SLC24A2: variants seen among roughly 807,000 people sequenced by gnomAD.
The protein encoded by SLC24A2 is sodium/potassium/calcium exchanger 2.
SLC24A2 carries 36 observed loss-of-function variants against 62.0 expected under a neutral mutation model. The observed-to-expected ratio is 0.58, with a 90% CI of 0.44 to 0.77. The LOEUF (loss-of-function observed/expected upper bound fraction) is 0.77. Ranked by LOEUF, SLC24A2 falls within the 30% of genes least tolerant of loss-of-function variation. The probability of loss-of-function intolerance (pLI) is 0.00; values close to 1 mark genes in which losing one functional copy is unlikely to be tolerated. For synonymous variants in SLC24A2, 358 were observed against 294.0 expected (o/e 1.22, Z -2.23); for missense variants, 846 against 817.9 (o/e 1.03, Z -0.42).
chr9:19,833,830 A>G, the SLC24A2 span, among the ~76,000 whole-genome samples: 1 of 152,216 alleles, frequency 6.6e-6, no homozygotes, highest in South Asian at 2.1e-4. Context: ...ACCCCCAACT[A>G]GGGGCGGACT....
At chr9:20,079,978 G>A in the SLC24A2 span, among the ~76,000 whole-genome samples, 18 of 152,140 alleles carry the variant, frequency 1.2e-4, no homozygotes, top group African/African-American at 4.1e-4. Context: ...AATAAAAGAG[G>A]ATATAAACAA....
intron 2 of SLC24A2, among the ~76,000 whole-genome samples, chr9:19,744,658 C>G (rs2118781938): frequency 6.6e-6 from 1 of 152,268 alleles, no homozygotes; most frequent in East Asian, 1.9e-4. Flanking sequence ...CATATGAAAT[C>G]TGGTAAGTTT....
At chr9:19,778,833 C>A (rs112051720) in intron 2 of SLC24A2, among the ~76,000 whole-genome samples, 3 of 151,956 alleles carry the variant, frequency 2.0e-5, no homozygotes, top group African/African-American at 7.2e-5. Context: ...AAAACTAGAC[C>A]CACAAAGATA....
chr9:20,096,097 G>A, the SLC24A2 span, among the ~76,000 whole-genome samples: 4,874 of 137,230 alleles, frequency 0.036, 115 homozygotes, highest in South Asian at 0.082. Context: ...CCGTCCGTCC[G>A]TCCGTCCGTC....
the SLC24A2 span, among the ~76,000 whole-genome samples, chr9:19,813,976 A>G: frequency 6.6e-5 from 10 of 152,286 alleles, no homozygotes; most frequent in Middle Eastern, 3.4e-3. Context: ...CCAAGGTCAT[A>G]GTACTTTGCT....
At chr9:20,170,382 T>A in the SLC24A2 span, among the ~76,000 whole-genome samples, 6 of 152,122 alleles carry the variant, frequency 3.9e-5, no homozygotes, top group African/African-American at 1.4e-4. Context: ...GGGTTTTTTA[T>A]CTCCTTAACA....
At chr9:19,765,095 T>C (rs555120980) in intron 2 of SLC24A2, among the ~76,000 whole-genome samples, 130 of 152,350 alleles carry the variant, frequency 8.5e-4, no homozygotes, top group African/African-American at 3.0e-3. Context: ...AAGTCTGTTT[T>C]ATCAGAGACT....
chr9:20,074,179 A>T, the SLC24A2 span, among the ~76,000 whole-genome samples: 1 of 152,012 alleles, frequency 6.6e-6, no homozygotes. Flanking sequence ...CTGTATTAGA[A>T]TTCTGATTTA....
At chr9:19,834,559 GA>G in the SLC24A2 span, among the ~76,000 whole-genome samples, 6 of 152,182 alleles carry the variant, frequency 3.9e-5, no homozygotes, top group Non-Finnish European at 7.3e-5. Context: ...AAGCCTCCAA[GA>G]AATATGGGAC....
intron 2 of SLC24A2, among the ~76,000 whole-genome samples, chr9:19,719,512 G>A (rs1405134437): frequency 6.6e-6 from 1 of 152,186 alleles, no homozygotes; most frequent in Non-Finnish European, 1.5e-5. Context: ...TGAGAAATGA[G>A]AGGAACTGGA....
chr9:20,141,958 G>T, the SLC24A2 span, among the ~76,000 whole-genome samples: 1 of 151,998 alleles, frequency 6.6e-6, no homozygotes, highest in Non-Finnish European at 1.5e-5. Context: ...TGGCAGGTGC[G>T]TATAATCCCA....
chr9:19,555,223 A>C (rs189643524), intron 7 of SLC24A2, among the ~76,000 whole-genome samples: 4 of 152,328 alleles, frequency 2.6e-5, no homozygotes, highest in African/African-American at 7.2e-5. Flanking sequence ...AGTTCTTTAC[A>C]GTGCAAGTTT....
chr9:19,979,390 T>C, the SLC24A2 span, among the ~76,000 whole-genome samples: 7 of 152,112 alleles, frequency 4.6e-5, no homozygotes, highest in African/African-American at 1.7e-4. Context: ...TTCATATATA[T>C]ATTCAGAGAT....
chr9:20,154,396 AAGG>A, the SLC24A2 span, among the ~76,000 whole-genome samples: 1 of 151,800 alleles, frequency 6.6e-6, no homozygotes, highest in Non-Finnish European at 1.5e-5. Flanking sequence ...ACAGATGAAA[AAGG>A]AGGAGAGAAT....
the SLC24A2 span, among the ~76,000 whole-genome samples, chr9:20,282,291 C>T: frequency 6.6e-6 from 1 of 152,088 alleles, no homozygotes; most frequent in African/African-American, 2.4e-5. Context: ...AGTTGAAATT[C>T]CATGGTTTGT....
Position 19,631,042 on chromosome 9 carries a change from T to A in SLC24A2, c.931-8743A>T, listed in dbSNP as rs539955081. Among the ~76,000 whole-genome samples the A allele has an allele frequency of 7.2e-5, 11 of 152,284 alleles. No homozygotes were observed. The East Asian group carries it at 2.1e-3, about 29-fold the overall frequency. Reference sequence around the variant, plus strand: ...CCCCTCCTCCCCACTTCCTCCCTAGTTCATTCTTTTGTATTATTTGTCTCA... The same window carrying A: ...CCCCTCCTCCCCACTTCCTCCCTAGATCATTCTTTTGTATTATTTGTCTCA... On this transcript the variant is annotated intron_variant, in intron 2 of 10. Coordinates refer to ENST00000341998, the MANE Select transcript of SLC24A2 (RefSeq NM_020344.4).
At chr9:20,182,594 G>A in the SLC24A2 span, among the ~76,000 whole-genome samples, 8 of 152,106 alleles carry the variant, frequency 5.3e-5, no homozygotes, top group East Asian at 1.9e-4. Context: ...ATGAGAACAC[G>A]TGGACACAGG....
the SLC24A2 span, among the ~76,000 whole-genome samples, chr9:19,865,598 G>T: frequency 6.6e-6 from 1 of 152,086 alleles, no homozygotes; most frequent in Admixed American, 6.5e-5. Context: ...ATACACTGGG[G>T]AAAAGATAGT....
chr9:20,020,969 G>C, the SLC24A2 span, among the ~76,000 whole-genome samples: 1 of 152,016 alleles, frequency 6.6e-6, no homozygotes, highest in Non-Finnish European at 1.5e-5. Flanking sequence ...TGTCCAATTG[G>C]AGAATTACGA....
Sources: gnomAD v4.1 joint callset for allele counts (sites outside exome capture counted in the v4.1 genomes callset) on GRCh38, gnomAD v4.1.1 for gene constraint, MANE v1.5 for transcripts, NCBI Gene and HGNC (gene_info 2026-07-23, HGNC 2026-07-21) for gene names.